Variants in CACNA2D3 observed in about 807,000 individuals in gnomAD.
CACNA2D3 encodes the protein voltage-dependent calcium channel subunit alpha-2/delta-3.
Under a neutral mutation model 160.6 loss-of-function variants are expected in CACNA2D3, and 60 were observed. That is an observed-to-expected ratio of 0.37 (90% CI 0.30 to 0.46). CACNA2D3 has a LOEUF of 0.46. Among genes scored for constraint, CACNA2D3 ranks in the 20% least tolerant of loss-of-function variants. The pLI, the probability that CACNA2D3 is intolerant of heterozygous loss-of-function variation, is 1.00. For missense variants in CACNA2D3, 1,205 were observed against 1,365.0 expected, an observed-to-expected ratio of 0.88 and a Z score of 1.85; for synonymous variants, 558 against 492.9, an observed-to-expected ratio of 1.13 and a Z score of -1.75.
chr3:54,594,951 C>T (rs1046251524), intron 9 of CACNA2D3, among the ~76,000 whole-genome samples: 1 of 152,224 alleles, frequency 6.6e-6, no homozygotes, highest in South Asian at 2.1e-4. Context: ...ATTTCAAATA[C>T]TATCCTATTA....
At chr3:54,652,185 A>G (rs903443700) in intron 11 of CACNA2D3, among the ~76,000 whole-genome samples, 1 of 151,804 alleles carries the variant, frequency 6.6e-6, no homozygotes, top group East Asian at 1.9e-4. Context: ...TCTTCATCCC[A>G]TAGGACTGGA....
At chr3:54,259,902 G>C (rs1328543904) in intron 2 of CACNA2D3, among the ~76,000 whole-genome samples, 1 of 152,180 alleles carries the variant, frequency 6.6e-6, no homozygotes, top group Non-Finnish European at 1.5e-5. Flanking sequence ...GAATTTTCAG[G>C]CGTGTTTATG....
At chr3:54,711,036 T>C (rs964026234) in intron 11 of CACNA2D3, among the ~76,000 whole-genome samples, 4 of 150,912 alleles carry the variant, frequency 2.7e-5, no homozygotes, top group African/African-American at 9.9e-5. Flanking sequence ...TGCCATCAAA[T>C]AACAAACAGG....
intron 2 of CACNA2D3, among the ~76,000 whole-genome samples, chr3:54,203,264 G>T (rs1428231233): frequency 1.3e-5 from 2 of 152,164 alleles, no homozygotes; most frequent in Non-Finnish European, 2.9e-5. Flanking sequence ...CTCGCAGGGC[G>T]TGCGATGGGG....
chr3:55,073,770 A>G lies in CACNA2D3; in HGVS notation c.3101-7A>G. 1 of 1,610,886 alleles carries G rather than the reference A, an allele frequency of 6.2e-7. No individual in the cohort carries two copies. Among genetic ancestry groups the G allele is most frequent in the Non-Finnish European group, 8.5e-7 (1 of 1,177,434 alleles). The stretch of plus-strand genomic sequence containing the variant: ...ATCCTTGGAAACATGCCTTAACTAC[A>G]GTCAACATAATGAATCCCTTAAGTG... On this transcript the variant is annotated splice_region_variant and splice_polypyrimidine_tract_variant and intron_variant, in intron 36 of 37. Coordinates refer to ENST00000474759, the MANE Select transcript of CACNA2D3 (RefSeq NM_018398.3).
intron 11 of CACNA2D3, among the ~76,000 whole-genome samples, chr3:54,653,431 A>G (rs904460350): frequency 6.6e-6 from 1 of 152,048 alleles, no homozygotes; most frequent in Admixed American, 6.6e-5. Context: ...AGTTTGAGTC[A>G]TTGCTGTGTT....
chr3:54,405,126 G>GTACTA (rs1424006044), intron 4 of CACNA2D3, among the ~76,000 whole-genome samples: 5 of 132,496 alleles, frequency 3.8e-5, no homozygotes, highest in South Asian at 2.4e-4. Flanking sequence ...ATACTGTACT[G>GTACTA]TACTATACTA....
At chr3:55,055,446 A>G (rs1704337584) in intron 35 of CACNA2D3, among the ~76,000 whole-genome samples, 4 of 152,020 alleles carry the variant, frequency 2.6e-5, no homozygotes, top group South Asian at 4.1e-4. Flanking sequence ...TTTAATTACT[A>G]TAGCTTTGTT....
In CACNA2D3 at chr3:54,152,448, C is replaced by A. The variant is rs181951114; in HGVS notation, c.204+28854C>A. Among the ~76,000 whole-genome samples the A allele has an allele frequency of 1.4e-3, 215 of 152,330 alleles. 1 individual carries two copies. The highest frequency in any genetic ancestry group is 4.9e-3 in the African/African-American group (203 of 41,578). ...TCTCTTCAAAATCTTTGATTCAATG[C>A]ATATGAGCCCATCTTGAACAGTCTA... On this transcript the variant is annotated intron_variant, in intron 2 of 37. Transcript: ENST00000474759.
At chr3:54,637,219 C>T (rs1329607927) in intron 10 of CACNA2D3, among the ~76,000 whole-genome samples, 1 of 151,776 alleles carries the variant, frequency 6.6e-6, no homozygotes, top group Non-Finnish European at 1.5e-5. Context: ...TTAAAGTGTG[C>T]TGCGGGATGG....
chr3:54,806,723 C>T (rs1185882055), intron 13 of CACNA2D3, among the ~76,000 whole-genome samples: 3 of 151,884 alleles, frequency 2.0e-5, no homozygotes, highest in African/African-American at 7.3e-5. Context: ...CATATGGAAC[C>T]AAAAAAGAGC....
At chr3:54,376,511 C>T (rs1174174637) in intron 3 of CACNA2D3, among the ~76,000 whole-genome samples, 12 of 152,162 alleles carry the variant, frequency 7.9e-5, no homozygotes, top group Admixed American at 7.9e-4. Context: ...CTTAGGACAG[C>T]TTGGCACATA....
At chr3:54,478,234 C>A (rs538163730) in intron 4 of CACNA2D3, among the ~76,000 whole-genome samples, 17 of 152,092 alleles carry the variant, frequency 1.1e-4, no homozygotes, top group African/African-American at 3.6e-4. Flanking sequence ...ATGACTAGAG[C>A]AAGTGATATA....
chr3:54,159,087 A>C (rs1700295847), intron 2 of CACNA2D3, among the ~76,000 whole-genome samples: 1 of 152,180 alleles, frequency 6.6e-6, no homozygotes, highest in African/African-American at 2.4e-5. Context: ...TTTTGAATCA[A>C]ACCCTCTTTA....
At chr3:55,023,369 C>T (rs1703501038) in intron 35 of CACNA2D3, among the ~76,000 whole-genome samples, 1 of 152,098 alleles carries the variant, frequency 6.6e-6, no homozygotes, top group African/African-American at 2.4e-5. Flanking sequence ...TCCTTTTGAT[C>T]CTGTCTGGTC....
chr3:54,417,416 A>G (rs377536754), intron 4 of CACNA2D3, among the ~76,000 whole-genome samples: 201 of 152,302 alleles, frequency 1.3e-3, no homozygotes, highest in African/African-American at 3.5e-3. Flanking sequence ...TGGGCAAGTC[A>G]TATGTTCTTT....
At chr3:54,315,364 G>C (rs1260239112) in intron 2 of CACNA2D3, among the ~76,000 whole-genome samples, 4 of 152,220 alleles carry the variant, frequency 2.6e-5, no homozygotes, top group African/African-American at 9.6e-5. Flanking sequence ...GCTTGGAACA[G>C]TCGTGTAAAC....
At chr3:54,915,622 A>G (rs1238380346) in intron 27 of CACNA2D3, among the ~76,000 whole-genome samples, 1 of 152,204 alleles carries the variant, frequency 6.6e-6, no homozygotes, top group Non-Finnish European at 1.5e-5. Context: ...ATACCCTGCA[A>G]ATTGGGTCTT....
chr3:54,288,777 T>C (rs1377476303), intron 2 of CACNA2D3, among the ~76,000 whole-genome samples: 2 of 152,000 alleles, frequency 1.3e-5, no homozygotes, highest in South Asian at 2.1e-4. Context: ...TATACGCAAA[T>C]CAATAAATGT....
Sources: allele counts gnomAD v4.1 joint callset (sites outside exome capture counted in the v4.1 genomes callset), GRCh38; gene constraint gnomAD v4.1.1; transcripts MANE v1.5; gene names NCBI Gene and HGNC (gene_info 2026-07-23, HGNC 2026-07-21).